Variants in MED12L observed in about 807,000 individuals in gnomAD.
MED12L encodes mediator of RNA polymerase II transcription subunit 12-like protein.
MED12L carries 60 observed loss-of-function variants against 281.3 expected under a neutral mutation model. That is an observed-to-expected ratio of 0.21 (90% confidence interval 0.17 to 0.26). MED12L has a LOEUF of 0.26. Among genes scored for constraint, MED12L ranks in the 10% least tolerant of loss-of-function variants. The probability of loss-of-function intolerance (pLI) is 1.00; values close to 1 mark genes in which losing one functional copy is unlikely to be tolerated. For missense variants in MED12L, 2,146 were observed against 2,680.9 expected (o/e 0.80, Z 4.41); for synonymous variants, 974 against 987.2 (o/e 0.99, Z 0.25).
rs1719972724 is a variant in MED12L, at chr3:151,435,078, T to TC, written c.*2274_*2275insC. The TC allele has an allele frequency of 1.3e-5, 2 of 150,936 alleles. No homozygotes were observed. The highest frequency in any genetic ancestry group is 2.1e-4 in the South Asian group (1 of 4,786). The allele number at this position is 150,936 out of a possible 1,614,324, so 9.3% of individuals were successfully genotyped here. On this transcript the variant is annotated 3_prime_UTR_variant, in exon 45 of 45. Transcript: ENST00000687756. ...GAGAGGTTTCTTTTTTTTTTTTTTTTTTTTCTTTTCTTGCAAATGCATTCT... is the reference window on the plus strand; with the variant it reads ...GAGAGGTTTCTTTTTTTTTTTTTTTTCTTTTCTTTTCTTGCAAATGCATTCT...
intron 5 of MED12L, among the ~76,000 whole-genome samples, chr3:151,150,520 T>C (rs1718318385): frequency 6.6e-6 from 1 of 152,176 alleles, no homozygotes; most frequent in Non-Finnish European, 1.5e-5. Context: ...TTCCAAATGG[T>C]GAATTAGCAT....
intron 16 of MED12L, among the ~76,000 whole-genome samples, chr3:151,309,596 A>G (rs547737341): frequency 6.6e-6 from 1 of 152,268 alleles, no homozygotes; most frequent in South Asian, 2.1e-4. Context: ...TACCGCCTTC[A>G]GGTGTAACTC....
intron 16 of MED12L, among the ~76,000 whole-genome samples, chr3:151,285,450 T>C (rs1236594075): frequency 1.3e-5 from 2 of 151,682 alleles, no homozygotes; most frequent in Non-Finnish European, 2.9e-5. Flanking sequence ...ATTGCGCCAC[T>C]GCACTCCAGC....
Position 151,185,503 on chromosome 3 carries a change from A to G in MED12L, c.1626+42A>G, listed in dbSNP as rs747205923. ...TTCTGCTTGTTGAATGCCGTAATGT[A>G]AAAATACTGTTTTGGGGAAGATCAT... is the stretch of plus-strand genomic sequence containing the variant. On this transcript the variant is annotated intron_variant, in intron 12 of 44. Coordinates refer to ENST00000687756, the MANE Select transcript of MED12L (RefSeq NM_001393769.1). 16 of 1,608,078 alleles carry G rather than the reference A, an allele frequency of 9.9e-6. No homozygotes were observed. In the African/African-American group the frequency reaches 1.2e-4, roughly 12 times the overall value.
At chr3:151,190,662 A>G in intron 13 of MED12L, 55 bp from the exon 14 acceptor site, 2 of 1,450,874 alleles carry the variant, frequency 1.4e-6, no homozygotes, top group Non-Finnish European at 9.7e-7. Flanking sequence ...CTTAGTAATT[A>G]GTTTTTTTCT....
intron 16 of MED12L, among the ~76,000 whole-genome samples, chr3:151,287,271 G>A (rs1477064741): frequency 6.6e-6 from 1 of 152,138 alleles, no homozygotes; most frequent in Non-Finnish European, 1.5e-5. Flanking sequence ...ATGGCACAAA[G>A]TAAGAGGTGG....
At chr3:151,412,334 T>C (rs1717026024) in intron 41 of MED12L, among the ~76,000 whole-genome samples, 1 of 152,246 alleles carries the variant, frequency 6.6e-6, no homozygotes, top group African/African-American at 2.4e-5. Context: ...CGTTATTCAC[T>C]GAGACCCCAA....
chr3:151,168,275 C>T (rs1404475451), intron 11 of MED12L, among the ~76,000 whole-genome samples: 1 of 152,080 alleles, frequency 6.6e-6, no homozygotes, highest in Non-Finnish European at 1.5e-5. Context: ...TTTTCAAAAG[C>T]TTCTTTTGTC....
rs1036104431 is a variant in MED12L, at chr3:151,368,360, A to T, written c.3550+109A>T. 1.0e-5 allele frequency: 9 copies of T among 903,832 alleles called. No individual in the cohort carries two copies. The African/African-American group carries it at 1.5e-4, about 15-fold the overall frequency. 56.0% of individuals were successfully genotyped at this position (903,832 alleles called of 1,614,324 possible). Reference sequence around the variant, plus strand: ...TAATTGCCTTCTTAATTTTTTGGGCATGCCCTGGGGGTGATGAAGGGTGAG... The same window carrying T: ...TAATTGCCTTCTTAATTTTTTGGGCTTGCCCTGGGGGTGATGAAGGGTGAG... On this transcript the variant is annotated intron_variant, in intron 25 of 44. Transcript: ENST00000687756.
Position 151,432,987 on chromosome 3 carries a change from G to T in MED12L, c.*183G>T. On this transcript the variant is annotated 3_prime_UTR_variant, in exon 45 of 45. Transcript: ENST00000687756. ...AAACAAAAAGCCAAGGAGAAGTTGT[G>T]GTTTGATTTTGTTGAATTCACCTTT... 1 of 535,562 alleles carries T rather than the reference G, an allele frequency of 1.9e-6. No individual in the cohort carries two copies. Among genetic ancestry groups the T allele is most frequent in the South Asian group, 2.7e-5 (1 of 36,378 alleles). The allele number at this position is 535,562 out of a possible 1,614,324, so 33.2% of individuals were successfully genotyped here. A position where few individuals can be genotyped will look rare whatever the true frequency, so the allele number is the denominator to read the frequency against.
intron 21 of MED12L, among the ~76,000 whole-genome samples, chr3:151,363,527 A>G (rs577941574): frequency 1.8e-4 from 27 of 152,284 alleles, no homozygotes; most frequent in African/African-American, 6.3e-4. Flanking sequence ...TTCCATCAAG[A>G]GCTTTATTTC....
intron 16 of MED12L, chr3:151,316,319 A>T (rs1294053578): frequency 3.3e-5 from 5 of 149,420 alleles, no homozygotes; most frequent in East Asian, 1.9e-4. Context: ...AATGTGGTTT[A>T]AAAAAAAATG....
At chr3:151,343,176 C>A (rs1752090553) in intron 16 of MED12L, among the ~76,000 whole-genome samples, 1 of 152,116 alleles carries the variant, frequency 6.6e-6, no homozygotes, top group African/African-American at 2.4e-5. Context: ...TCCTTTACAG[C>A]AAATTGTAAA....
intron 16 of MED12L, among the ~76,000 whole-genome samples, chr3:151,274,722 T>C (rs1187419758): frequency 6.6e-6 from 1 of 152,220 alleles, no homozygotes; most frequent in Non-Finnish European, 1.5e-5. Context: ...TTATAAGTTA[T>C]AATATGTCCA....
intron 16 of MED12L, among the ~76,000 whole-genome samples, chr3:151,326,082 T>C (rs1270244523): frequency 6.6e-6 from 1 of 152,218 alleles, no homozygotes; most frequent in East Asian, 1.9e-4. Context: ...ATTTTGTCAA[T>C]AGCTTTAAAA....
At chr3:151,384,021 C>T in intron 34 of MED12L, 62 bp from the exon 35 acceptor site, 2 of 1,543,238 alleles carry the variant, frequency 1.3e-6, no homozygotes, top group South Asian at 1.2e-5. Context: ...AATAAAAATA[C>T]TCAGTTAAAT....
At chr3:151,123,576 TGTG>T (rs1714082075) in intron 4 of MED12L, among the ~76,000 whole-genome samples, 1 of 152,216 alleles carries the variant, frequency 6.6e-6, no homozygotes, top group Admixed American at 6.5e-5. Flanking sequence ...TCAACAATCT[TGTG>T]GTCCAAACAG....
At chr3:151,137,265 A>G (rs1015012502) in intron 5 of MED12L, among the ~76,000 whole-genome samples, 19 of 152,046 alleles carry the variant, frequency 1.2e-4, no homozygotes, top group African/African-American at 4.6e-4. Context: ...AACCAAGTAC[A>G]CTTCTGTTAA....
Position 151,416,332 on chromosome 3 carries a change from C to CCAGCCCCAGCAGCCT in MED12L, c.6320_6334dup (p.Gln2107_Pro2111dup). The CCAGCCCCAGCAGCCT allele has an allele frequency of 2.5e-6, 4 of 1,611,328 alleles. No individual in the cohort carries two copies. The highest frequency in any genetic ancestry group is 3.4e-6 in the Non-Finnish European group (4 of 1,178,486). ...TCCAGATGCAGCAGCCCCAGCAGCC[C>CCAGCCCCAGCAGCCT]CAGCCCCAGCAGCCTCCCCAGCCCC... On this transcript the variant is annotated inframe_insertion, in exon 43 of 45. Transcript: ENST00000687756.
Sources: allele counts gnomAD v4.1 joint callset (sites outside exome capture counted in the v4.1 genomes callset), GRCh38; gene constraint gnomAD v4.1.1; transcripts MANE v1.5; gene names NCBI Gene and HGNC (gene_info 2026-07-23, HGNC 2026-07-21).